Variants in PRR16 observed in about 807,000 individuals in gnomAD.
PRR16 encodes protein Largen.
In PRR16, 6 loss-of-function variants were observed where a neutral mutation model predicts 18.2. The observed-to-expected ratio is 0.33, with a 90% CI of 0.18 to 0.65. PRR16 has a LOEUF of 0.65. Ranked by LOEUF, PRR16 falls within the 30% of genes least tolerant of loss-of-function variation. The pLI is 0.74. For missense variants in PRR16, 412 were observed against 376.6 expected (o/e 1.09, Z -0.78); for synonymous variants, 151 against 147.8 (o/e 1.02, Z -0.16).
At chr5:120,758,704 T>TGTTG in the PRR16 span, among the ~76,000 whole-genome samples, 1 of 152,072 alleles carries the variant, frequency 6.6e-6, no homozygotes, top group Non-Finnish European at 1.5e-5. Context: ...CTTGGCCTCC[T>TGTTG]GTTGGTGTAA....
At chr5:120,538,756 A>T (rs1379517005) in intron 1 of PRR16, among the ~76,000 whole-genome samples, 1 of 152,176 alleles carries the variant, frequency 6.6e-6, no homozygotes, top group Non-Finnish European at 1.5e-5. Flanking sequence ...AAATGGTTCC[A>T]AATAATCTTG....
At chr5:120,558,647 T>C (rs1486335421) in intron 1 of PRR16, among the ~76,000 whole-genome samples, 2 of 151,924 alleles carry the variant, frequency 1.3e-5, no homozygotes, top group Non-Finnish European at 2.9e-5. Flanking sequence ...TGATTTCCTA[T>C]CTCTTGGTGT....
chr5:120,467,533 A>G (rs112249152), intron 1 of PRR16, among the ~76,000 whole-genome samples: 3,508 of 152,232 alleles, frequency 0.023, 49 homozygotes, highest in African/African-American at 0.042. Context: ...GCTTTTCTTC[A>G]TAGAAGTTTT....
chr5:120,527,789 T>C lies in PRR16; in HGVS notation c.159+63144T>C, dbSNP rs555582229. 8.5e-5 allele frequency among the ~76,000 whole-genome samples: 13 copies of C among 152,290 alleles called. No homozygotes were observed. The East Asian group carries it at 2.1e-3, about 25-fold the overall frequency. ...GTGTTCCCAGATATAGTGGCTGTTTTAGCAGAAGGGAGAGAATACATCAAA... is the reference window on the plus strand; with the variant it reads ...GTGTTCCCAGATATAGTGGCTGTTTCAGCAGAAGGGAGAGAATACATCAAA... On this transcript the variant is annotated intron_variant, in intron 1 of 1. Transcript: ENST00000407149.
At chr5:120,619,191 A>G (rs1314311677) in intron 1 of PRR16, among the ~76,000 whole-genome samples, 17 of 152,130 alleles carry the variant, frequency 1.1e-4, no homozygotes, top group Admixed American at 9.2e-4. Flanking sequence ...AAAGTCAAGT[A>G]TTTTGTGCCC....
In PRR16 at chr5:120,503,485, A is replaced by G. The variant is rs528465114; in HGVS notation, c.159+38840A>G. Among the ~76,000 whole-genome samples, 4 of 152,192 alleles carry G rather than the reference A, an allele frequency of 2.6e-5. 1 individual carries two copies. The South Asian group carries it at 8.3e-4, about 31-fold the overall frequency. ...ACCATGGAAGTTTTCTTATGTAAAT[A>G]TGGAATTTTTCTGACCTATTGTGTG... On this transcript the variant is annotated intron_variant, in intron 1 of 1. Transcript: ENST00000407149.
the PRR16 span, among the ~76,000 whole-genome samples, chr5:120,789,360 T>C: frequency 6.6e-6 from 1 of 152,242 alleles, no homozygotes; most frequent in East Asian, 1.9e-4. Flanking sequence ...TTCCAAAAAA[T>C]CATTAATTAG....
At chr5:120,773,198 T>C in the PRR16 span, among the ~76,000 whole-genome samples, 1 of 152,202 alleles carries the variant, frequency 6.6e-6, no homozygotes, top group South Asian at 2.1e-4. Flanking sequence ...TCAGTTAAGA[T>C]TAGGTTCCCA....
chr5:120,549,009 C>T (rs927996654), intron 1 of PRR16, among the ~76,000 whole-genome samples: 6 of 151,808 alleles, frequency 4.0e-5, no homozygotes, highest in Non-Finnish European at 8.8e-5. Flanking sequence ...ATCCATTTGA[C>T]TTCGTTTCCT....
At chr5:120,712,273 CAA>C in the PRR16 span, among the ~76,000 whole-genome samples, 2 of 152,058 alleles carry the variant, frequency 1.3e-5, no homozygotes, top group Non-Finnish European at 1.5e-5. Flanking sequence ...ACACAATACA[CAA>C]TATGCAATAA....
At chr5:120,503,095 A>G (rs1186893614) in intron 1 of PRR16, among the ~76,000 whole-genome samples, 1 of 152,190 alleles carries the variant, frequency 6.6e-6, no homozygotes, top group African/African-American at 2.4e-5. Flanking sequence ...GGTTAAAGAC[A>G]TTGAAAGCCC....
Position 120,675,444 on chromosome 5 carries a change from C to T in PRR16, c.160-10510C>T, listed in dbSNP as rs375364260. 9.9e-5 allele frequency among the ~76,000 whole-genome samples: 15 copies of T among 152,198 alleles called. No homozygotes were observed. In the East Asian group the frequency reaches 2.7e-3, roughly 27 times the overall value. On this transcript the variant is annotated intron_variant, in intron 1 of 1. Coordinates refer to ENST00000407149, the MANE Select transcript of PRR16 (RefSeq NM_001300783.2). The stretch of plus-strand genomic sequence containing the variant: ...TTAAATACAGTGATTCAACAATGCC[C>T]CACTCTAACTTTTGTATTACTTCTC...
At chr5:120,683,284 C>T (rs531555977) in intron 1 of PRR16, among the ~76,000 whole-genome samples, 36 of 152,008 alleles carry the variant, frequency 2.4e-4, no homozygotes, top group African/African-American at 7.7e-4. Flanking sequence ...TGAGGTCAGG[C>T]GTTTGAGACC....
At chr5:120,581,860 A>T (rs943991623) in intron 1 of PRR16, among the ~76,000 whole-genome samples, 24 of 151,912 alleles carry the variant, frequency 1.6e-4, no homozygotes, top group Non-Finnish European at 1.5e-5. Context: ...TTCTAATATG[A>T]TTTCACTGTG....
chr5:120,514,203 C>G (rs957070845), intron 1 of PRR16, among the ~76,000 whole-genome samples: 2 of 152,078 alleles, frequency 1.3e-5, no homozygotes, highest in African/African-American at 4.8e-5. Flanking sequence ...ATTCTCTATG[C>G]CATTGTAAAA....
chr5:120,698,508 A>ACAGTGTAAACTGG, the PRR16 span, among the ~76,000 whole-genome samples: 468 of 118,132 alleles, frequency 4.0e-3, 5 homozygotes, highest in African/African-American at 0.014. Context: ...GCTTGGAGAA[A>ACAGTGTAAACTGG]CAGTGTAAAC....
At chr5:120,562,357 G>A (rs1752602254) in intron 1 of PRR16, among the ~76,000 whole-genome samples, 1 of 151,434 alleles carries the variant, frequency 6.6e-6, no homozygotes, top group Non-Finnish European at 1.5e-5. Flanking sequence ...TTTATTTTCA[G>A]TCCATGTGTA....
At chr5:120,602,912 G>C (rs1405133467) in intron 1 of PRR16, among the ~76,000 whole-genome samples, 1 of 152,036 alleles carries the variant, frequency 6.6e-6, no homozygotes, top group Admixed American at 6.6e-5. Context: ...CAGGGATAAA[G>C]CCTACTTAAT....
chr5:120,468,415 A>G (rs1005184597), intron 1 of PRR16, among the ~76,000 whole-genome samples: 2 of 152,188 alleles, frequency 1.3e-5, no homozygotes, highest in African/African-American at 2.4e-5. Context: ...AGTCACAGGT[A>G]AAAGGAAATA....
Sources: gnomAD v4.1 joint callset for allele counts (sites outside exome capture counted in the v4.1 genomes callset) on GRCh38, gnomAD v4.1.1 for gene constraint, MANE v1.5 for transcripts, NCBI Gene and HGNC (gene_info 2026-07-23, HGNC 2026-07-21) for gene names.